Variants in PTPRG observed in about 807,000 individuals in gnomAD.
PTPRG encodes the protein receptor-type tyrosine-protein phosphatase gamma.
A neutral mutation model predicts 165.3 loss-of-function variants in PTPRG; 102 were observed. That is an observed-to-expected ratio of 0.62 (90% CI 0.53 to 0.73). PTPRG has a LOEUF of 0.73. Ranked by LOEUF, PTPRG falls within the 30% of genes least tolerant of loss-of-function variation. The probability of loss-of-function intolerance (pLI) is 0.00; values close to 1 mark genes in which losing one functional copy is unlikely to be tolerated. For synonymous variants in PTPRG, 675 were observed against 669.5 expected, an observed-to-expected ratio of 1.01 and a Z score of -0.13; for missense variants, 1,866 against 1,861.4, an observed-to-expected ratio of 1.00 and a Z score of -0.05.
intron 4 of PTPRG, among the ~76,000 whole-genome samples, chr3:62,075,084 G>C (rs1002405637): frequency 1.3e-5 from 2 of 152,126 alleles, no homozygotes; most frequent in Non-Finnish European, 2.9e-5. Context: ...TCCTTTTTAT[G>C]AGACATTTTA....
intron 17 of PTPRG, among the ~76,000 whole-genome samples, chr3:62,264,805 CGTAGGA>C (rs1701812483): frequency 6.6e-6 from 1 of 151,990 alleles, no homozygotes; most frequent in South Asian, 2.1e-4. Flanking sequence ...TTGGTGTATA[CGTAGGA>C]GTAGAATTTG....
intron 2 of PTPRG, among the ~76,000 whole-genome samples, chr3:61,893,083 G>A (rs565403434): frequency 1.3e-5 from 2 of 152,204 alleles, no homozygotes; most frequent in South Asian, 2.1e-4. Context: ...CGTCATTATC[G>A]TCGACTGCTG....
At chr3:61,566,008 T>G (rs1243863949) in intron 1 of PTPRG, among the ~76,000 whole-genome samples, 1 of 152,160 alleles carries the variant, frequency 6.6e-6, no homozygotes, top group African/African-American at 2.4e-5. Flanking sequence ...CTAAACTGGG[T>G]TCCTTTGACA....
chr3:61,810,443 A>C lies in PTPRG; in HGVS notation c.190+61461A>C, dbSNP rs1018386458. Among the ~76,000 whole-genome samples the C allele has an allele frequency of 3.3e-5, 5 of 152,204 alleles. No individual in the cohort carries two copies. The East Asian group carries it at 9.6e-4, about 29-fold the overall frequency. On this transcript the variant is annotated intron_variant, in intron 2 of 29. Coordinates refer to ENST00000474889, the MANE Select transcript of PTPRG (RefSeq NM_002841.4). The stretch of plus-strand genomic sequence containing the variant: ...GAGGAATGGACAAGAACCAGATAAC[A>C]AGCTTAAAGGAATGATTTCTTTTTA...
At chr3:61,827,422 A>G (rs537577269) in intron 2 of PTPRG, among the ~76,000 whole-genome samples, 25 of 152,314 alleles carry the variant, frequency 1.6e-4, no homozygotes, top group African/African-American at 5.8e-4. Flanking sequence ...ATCATACTAT[A>G]GGAAAGGTGG....
chr3:61,677,158 T>G (rs1366726836), intron 1 of PTPRG, among the ~76,000 whole-genome samples: 6 of 148,938 alleles, frequency 4.0e-5, no homozygotes, highest in African/African-American at 1.5e-4. Flanking sequence ...GGCAGGAGAA[T>G]CGCTTGAACC....
intron 4 of PTPRG, among the ~76,000 whole-genome samples, chr3:62,050,065 C>CT (rs1230011110): frequency 6.6e-6 from 1 of 152,222 alleles, no homozygotes; most frequent in Admixed American, 6.5e-5. Context: ...GATAGTGTCT[C>CT]TGAGTAGAGA....
Position 62,262,823 on chromosome 3 carries a change from T to C in PTPRG, c.2585T>C (p.Met862Thr), listed in dbSNP as rs141106066. ...GAAGTCCAGCGCTGTACTGCTGATA[T>C]GAACATCACTGCAGAGCATTCCAAT... ...FEEVQRCTAD[M>T]NITAEHSNHP... The change falls in exon 17 of 30, where the codon ATG becomes ACG. Residue 862 changes from methionine (M) to threonine (T), a missense_variant. Met to Thr is a moderately conservative substitution (Grantham distance 81). Around this residue, in one of 3 missense-constraint regions of PTPRG, gnomAD observed 1,452 missense variants for 1,463.0 expected, o/e 0.99. Transcript: ENST00000474889. 4.3e-6 allele frequency: 7 copies of C among 1,613,686 alleles called. No homozygotes were observed. The highest frequency in any genetic ancestry group is 2.7e-5 in the African/African-American group (2 of 74,902).
chr3:61,629,671 ACT>A (rs1701713729), intron 1 of PTPRG, among the ~76,000 whole-genome samples: 1 of 152,132 alleles, frequency 6.6e-6, no homozygotes. Flanking sequence ...ACAGGAAGGC[ACT>A]CTCTTCCTAA....
intron 6 of PTPRG, among the ~76,000 whole-genome samples, chr3:62,144,310 T>TC (rs1704040599): frequency 1.3e-5 from 2 of 152,228 alleles, no homozygotes; most frequent in African/African-American, 2.4e-5. Context: ...CTCAGGTCAT[T>TC]ACTTACCATT....
intron 1 of PTPRG, among the ~76,000 whole-genome samples, chr3:61,704,242 A>G (rs1194540872): frequency 1.3e-5 from 2 of 152,162 alleles, no homozygotes; most frequent in African/African-American, 4.8e-5. Context: ...CAGTTTGTCC[A>G]GCTGTAAAAA....
intron 2 of PTPRG, among the ~76,000 whole-genome samples, chr3:61,752,425 T>C (rs1457811518): frequency 6.6e-6 from 1 of 152,178 alleles, no homozygotes; most frequent in Non-Finnish European, 1.5e-5. Flanking sequence ...ATGTTGAATA[T>C]CTAGTAATAT....
rs557950406 is a variant in PTPRG at position 61,899,011 on chromosome 3, C to T, written c.191-90614C>T. 2.8e-3 allele frequency among the ~76,000 whole-genome samples: 429 copies of T among 152,024 alleles called. 1 individual carries two copies. The highest frequency in any genetic ancestry group is 0.01 in the African/African-American group (416 of 41,482). On this transcript the variant is annotated intron_variant, in intron 2 of 29. Transcript: ENST00000474889. ...GTAGCCTTGAGTTCTTGGGCTCAAGCGATCCTCCCACCTCAGCCTCCCAAG... is the reference window on the plus strand; with the variant it reads ...GTAGCCTTGAGTTCTTGGGCTCAAGTGATCCTCCCACCTCAGCCTCCCAAG...
chr3:62,242,387 A>G (rs1159199179), intron 14 of PTPRG, among the ~76,000 whole-genome samples: 2 of 152,220 alleles, frequency 1.3e-5, no homozygotes, highest in African/African-American at 4.8e-5. Context: ...GCATGTGTCA[A>G]GAGTTGTAGT....
chr3:62,213,514 G>A lies in PTPRG; in HGVS notation c.2156-5337G>A, dbSNP rs897118108. The stretch of plus-strand genomic sequence containing the variant: ...TCTTTTTTCATCCTCAGGACTCCCC[G>A]AGAGGTGAGTGTTACCATTTGTCTC... On this transcript the variant is annotated intron_variant, in intron 12 of 29. Transcript: ENST00000474889. This position sits in a 1 kb window ranked among gnomAD's most constrained non-coding sequence, Gnocchi z 4.4. Among the ~76,000 whole-genome samples, 58 of 152,074 alleles carry A rather than the reference G, an allele frequency of 3.8e-4. No individual in the cohort carries two copies. The highest frequency in any genetic ancestry group is 1.8e-4 in the Non-Finnish European group (12 of 68,014).
At chr3:62,049,818 G>A (rs7647357) in intron 4 of PTPRG, among the ~76,000 whole-genome samples, 91,689 of 151,996 alleles carry the variant, frequency 0.6, 28,830 homozygotes, top group Non-Finnish European at 0.68. Flanking sequence ...AAACTGCTTG[G>A]TTGAAATAAA....
At chr3:61,732,330 C>T (rs1448803473) in intron 1 of PTPRG, among the ~76,000 whole-genome samples, 1 of 152,150 alleles carries the variant, frequency 6.6e-6, no homozygotes, top group Admixed American at 6.5e-5. Flanking sequence ...GTAATCCCAG[C>T]ACTATGGGAG....
At chr3:61,617,864 A>C (rs1192617590) in intron 1 of PTPRG, among the ~76,000 whole-genome samples, 2 of 152,200 alleles carry the variant, frequency 1.3e-5, no homozygotes, top group African/African-American at 4.8e-5. Flanking sequence ...AATGACATTG[A>C]CTGACAGTAA....
chr3:62,081,559 A>G (rs1337349930), intron 5 of PTPRG, among the ~76,000 whole-genome samples: 1 of 152,042 alleles, frequency 6.6e-6, no homozygotes, highest in African/African-American at 2.4e-5. Context: ...GGCCCAGCCT[A>G]GTCTGGAACT....
Sources: gnomAD v4.1 joint callset for allele counts (sites outside exome capture counted in the v4.1 genomes callset) on GRCh38, gnomAD v4.1.1 for gene constraint, gnomAD v4.1.1 regional missense constraint, Gnocchi (gnomAD v3.1) non-coding constraint, MANE v1.5 for transcripts, NCBI Gene and HGNC (gene_info 2026-07-23, HGNC 2026-07-21) for gene names.